The following ATP2C1 variants were observed in gnomAD, a reference collection of about 807,000 sequenced individuals.
ATP2C1 encodes calcium-transporting ATPase type 2C member 1.
ATP2C1 carries 31 observed loss-of-function variants against 120.5 expected under a neutral mutation model. The ratio of observed to expected loss-of-function variants is 0.26; its 90% CI spans 0.19 to 0.35. The LOEUF is 0.35. ATP2C1 is among the 10% of genes least tolerant of loss of function. The pLI, the probability that ATP2C1 is intolerant of heterozygous loss-of-function variation, is 1.00. For missense variants in ATP2C1, 731 were observed against 1,107.5 expected (o/e 0.66, Z 4.83); for synonymous variants, 351 against 358.7 (o/e 0.98, Z 0.24).
chr3:130,856,135 G>A (rs2067833523), intron 1 of ATP2C1: 1 of 152,152 alleles, frequency 6.6e-6, no homozygotes, highest in Non-Finnish European at 1.5e-5. Flanking sequence ...ATCAAATTTT[G>A]TTTTGGAAGC....
At chr3:130,916,664 A>C (rs2058705072) in intron 2 of ATP2C1, among the ~76,000 whole-genome samples, 1 of 152,126 alleles carries the variant, frequency 6.6e-6, no homozygotes, top group African/African-American at 2.4e-5. Flanking sequence ...TGATTAATGA[A>C]GTGGAGGACT....
chr3:130,854,424 G>T (rs1021638664), intron 1 of ATP2C1, among the ~76,000 whole-genome samples: 1 of 152,166 alleles, frequency 6.6e-6, no homozygotes, highest in Non-Finnish European at 1.5e-5. Flanking sequence ...TTTGGTTTCG[G>T]TTATTTTATT....
chr3:130,901,914 A>G (rs917626382), intron 2 of ATP2C1, among the ~76,000 whole-genome samples: 3 of 152,058 alleles, frequency 2.0e-5, no homozygotes, highest in Non-Finnish European at 4.4e-5. Flanking sequence ...GTCACAACTC[A>G]AAGTATGCTA....
At position 130,997,977 on chromosome 3, in the gene ATP2C1, AAAT is replaced by A. The variant is rs945980840; in HGVS notation, c.2391+226_2391+228del. ...TGCAGAGAAGTATCAGTTACAATAA[AAAT>A]ACATGAAAATTTAGAGAGAAGTTGG... On this transcript the variant is annotated intron_variant, in intron 25 of 27. Transcript: ENST00000510168. Among the ~76,000 whole-genome samples, 57 of 152,208 alleles carry A rather than the reference AAAT, an allele frequency of 3.7e-4. 1 individual carries two copies. The highest frequency in any genetic ancestry group is 1.3e-3 in the African/African-American group (55 of 41,466).
chr3:131,015,229 CTCAT>C, intron 26 of ATP2C1: 1 of 702,204 alleles, frequency 1.4e-6, no homozygotes, highest in South Asian at 1.5e-5. Flanking sequence ...TCCATATATC[CTCAT>C]TCAAAGTATT....
chr3:130,894,197 T>A lies in ATP2C1; in HGVS notation c.-321T>A. The A allele has an allele frequency of 1.0e-6, 1 of 961,000 alleles. No individual in the cohort carries two copies. Among genetic ancestry groups the A allele is most frequent in the Non-Finnish European group, 1.2e-6 (1 of 814,650 alleles). The allele number at this position is 961,000 out of a possible 1,614,324, so 59.5% of individuals were successfully genotyped here. On this transcript the variant is annotated 5_prime_UTR_variant, in exon 1 of 28. Transcript: ENST00000510168. This position sits in a 1 kb window ranked among gnomAD's most constrained non-coding sequence, Gnocchi z 4.5. ...CCCTCCCTTCCTCCCTCCCGCTCGC[T>A]TCTTCTCACGCCGGGAGCAGGCTCC...
At position 131,001,904 on chromosome 3, in the gene ATP2C1, A is replaced by ATG. The variant is rs2062902880; in HGVS notation, c.*557_*558dup. ...TTTTGTATCAAGTTTTTTGCACAGG[A>ATG]TGTGACCACTGTCAGATCACTGTTC... On this transcript the variant is annotated 3_prime_UTR_variant, in exon 28 of 28. Transcript: ENST00000510168. The ATG allele has an allele frequency of 1.0e-6, 1 of 985,204 alleles. No individual in the cohort carries two copies. Among genetic ancestry groups the ATG allele is most frequent in the African/African-American group, 1.7e-5 (1 of 57,218 alleles). The allele number at this position is 985,204 out of a possible 1,614,324, so 61.0% of individuals were successfully genotyped here.
intron 21 of ATP2C1, among the ~76,000 whole-genome samples, chr3:130,993,417 T>C (rs2108890074): frequency 6.6e-6 from 1 of 152,372 alleles, no homozygotes; most frequent in Middle Eastern, 3.4e-3. Context: ...AACCAACTGA[T>C]AGAGTATCCA....
intron 1 of ATP2C1, among the ~76,000 whole-genome samples, chr3:130,870,088 C>G (rs1026259698): frequency 1.3e-5 from 2 of 152,050 alleles, no homozygotes; most frequent in African/African-American, 4.8e-5. Flanking sequence ...TGTGCTCTAT[C>G]AATGGAACAA....
chr3:130,904,902 C>T (rs2058054374), intron 2 of ATP2C1, among the ~76,000 whole-genome samples: 1 of 151,946 alleles, frequency 6.6e-6, no homozygotes, highest in Admixed American at 6.6e-5. Flanking sequence ...GGATATTTTG[C>T]CTTATGGGTT....
intron 6 of ATP2C1, among the ~76,000 whole-genome samples, chr3:130,938,619 C>G (rs2059769416): frequency 6.6e-6 from 1 of 152,208 alleles, no homozygotes; most frequent in Admixed American, 6.5e-5. Context: ...TTAGGGGAAT[C>G]TTCTTGCTTA....
downstream of ATP2C1, among the ~76,000 whole-genome samples, chr3:131,005,272 T>C (rs2063063092): frequency 6.6e-6 from 1 of 151,908 alleles, no homozygotes; most frequent in Non-Finnish European, 1.5e-5. Context: ...CACACCACCA[T>C]GTCTGGCTAA....
At chr3:131,014,668 T>C (rs2063507748) in intron 26 of ATP2C1, among the ~76,000 whole-genome samples, 1 of 152,232 alleles carries the variant, frequency 6.6e-6, no homozygotes, top group South Asian at 2.1e-4. Flanking sequence ...CAGGTGTCTT[T>C]AACAAACACT....
At chr3:130,910,036 A>C (rs1264051190) in intron 2 of ATP2C1, among the ~76,000 whole-genome samples, 1 of 152,026 alleles carries the variant, frequency 6.6e-6, no homozygotes, top group African/African-American at 2.4e-5. Context: ...ATTTCTCATA[A>C]GTATACGTGT....
intron 6 of ATP2C1, 58 bp from the exon 7 acceptor site, chr3:130,940,572 C>A (rs1188207279): frequency 3.5e-6 from 4 of 1,128,620 alleles, no homozygotes; most frequent in African/African-American, 3.1e-5. Flanking sequence ...ATTAATAAGT[C>A]TAAATGGAAT....
In ATP2C1 at chr3:130,894,084, A is replaced by C. The variant is rs1319215705; in HGVS notation, c.-434A>C. ...GAGCGCAGGAGTCGGAGGCGGGAGC[A>C]GACCAGCACGGCCTCGCGGAGCCGG... On this transcript the variant is annotated 5_prime_UTR_variant, in exon 1 of 28. Transcript: ENST00000510168. The surrounding 1 kb of genome is among the most constrained non-coding windows in gnomAD (Gnocchi z 4.5). The C allele has an allele frequency of 2.0e-6, 2 of 979,776 alleles. No homozygotes were observed. Among genetic ancestry groups the C allele is most frequent in the Non-Finnish European group, 1.2e-6 (1 of 824,860 alleles). 60.7% of individuals were successfully genotyped at this position (979,776 alleles called of 1,614,324 possible). A position where few individuals can be genotyped will look rare whatever the true frequency, so the allele number is the denominator to read the frequency against.
intron 26 of ATP2C1, among the ~76,000 whole-genome samples, chr3:131,012,306 G>A (rs1360514191): frequency 7.4e-6 from 1 of 135,632 alleles, no homozygotes; most frequent in Non-Finnish European, 1.5e-5. Context: ...CACCCAGGCT[G>A]GAGTACAGTG....
At chr3:130,887,412 G>T (rs1417582362) in intron 1 of ATP2C1, among the ~76,000 whole-genome samples, 1 of 152,210 alleles carries the variant, frequency 6.6e-6, no homozygotes, top group East Asian at 1.9e-4. Context: ...TTTCCCTTCA[G>T]GGCAGTGAGT....
chr3:131,010,489 C>T (rs1196068651), intron 26 of ATP2C1, among the ~76,000 whole-genome samples: 4 of 152,124 alleles, frequency 2.6e-5, no homozygotes, highest in Non-Finnish European at 4.4e-5. Context: ...CCACCACGCC[C>T]GGCCACCTTT....
Sources: gnomAD v4.1 joint callset for allele counts (sites outside exome capture counted in the v4.1 genomes callset) on GRCh38, gnomAD v4.1.1 for gene constraint, Gnocchi (gnomAD v3.1) non-coding constraint, MANE v1.5 for transcripts, NCBI Gene and HGNC (gene_info 2026-07-23, HGNC 2026-07-21) for gene names.